Variants in RC3H2 observed in about 807,000 individuals in gnomAD.
The protein encoded by RC3H2 is roquin-2.
RC3H2 carries 31 observed loss-of-function variants against 133.3 expected under a neutral mutation model. That is an observed-to-expected ratio of 0.23 (90% CI 0.17 to 0.31). The LOEUF (loss-of-function observed/expected upper bound fraction) is 0.31. Ranked by LOEUF, RC3H2 falls within the 10% of genes least tolerant of loss-of-function variation. The pLI, the probability that RC3H2 is intolerant of heterozygous loss-of-function variation, is 1.00. For synonymous variants in RC3H2, 517 were observed against 502.2 expected (o/e 1.03, Z -0.40); for missense variants, 1,175 against 1,437.2 (o/e 0.82, Z 2.95).
Position 122,848,567 on chromosome 9 carries a change from A to C in RC3H2, c.*1060T>G, listed in dbSNP as rs1829915496. The C allele has an allele frequency of 6.6e-6, 1 of 152,192 alleles. No individual in the cohort carries two copies. Among genetic ancestry groups the C allele is most frequent in the African/African-American group, 2.4e-5 (1 of 41,448 alleles). 9.4% of individuals were successfully genotyped at this position (152,192 alleles called of 1,614,324 possible). ...AGTCTTATCAACCTAACAGTCAAAAAACAAGAAAAACTAAACCCCAACATG... is the reference window on the plus strand; with the variant it reads ...AGTCTTATCAACCTAACAGTCAAAACACAAGAAAAACTAAACCCCAACATG... On this transcript the variant is annotated 3_prime_UTR_variant, in exon 21 of 21. Coordinates refer to ENST00000357244, the MANE Select transcript of RC3H2 (RefSeq NM_001100588.3).
intron 1 of RC3H2, chr9:122,898,104 C>A (rs41304848): frequency 3.3e-5 from 5 of 152,192 alleles, no homozygotes; most frequent in African/African-American, 1.2e-4. Flanking sequence ...TCTGACAAGA[C>A]TTGGCTAGGA....
Position 122,865,643 on chromosome 9 carries a change from T to C in RC3H2, c.1340A>G (p.Asn447Ser). ...QEELEKYRLR[N>S]KKINATVRTF... is the part of the protein sequence containing the mutation. ...TCTTACAGTGGCATTGATCTTTTTG[T>C]TCCTTAATCGATACCTGTTTCAAAA... Residue 447 changes from asparagine to serine, a missense_variant, in exon 10 of 21, where the codon AAC becomes AGC. By Grantham distance (46) the Asn-to-Ser change is conservative. Around this residue, in one of 8 missense-constraint regions of RC3H2, gnomAD observed 490 missense variants for 492.8 expected, o/e 0.99. Transcript: ENST00000357244. The C allele has an allele frequency of 6.2e-7, 1 of 1,611,158 alleles. No individual in the cohort carries two copies. The highest frequency in any genetic ancestry group is 2.2e-5 in the East Asian group (1 of 44,880).
chr9:122,894,571 T>C (rs1321774210), intron 2 of RC3H2, among the ~76,000 whole-genome samples: 1 of 151,986 alleles, frequency 6.6e-6, no homozygotes, highest in Non-Finnish European at 1.5e-5. Context: ...CTGTGAGATA[T>C]GAATGAATAA....
chr9:122,849,593 G>C lies in RC3H2; in HGVS notation c.*34C>G. On this transcript the variant is annotated 3_prime_UTR_variant, in exon 21 of 21. Transcript: ENST00000357244. ...AAAAAGCTAGTGTAAATGCTTCCATGGTGTGGTCACAAATTTGAAAGATGA... is the reference window on the plus strand; with the variant it reads ...AAAAAGCTAGTGTAAATGCTTCCATCGTGTGGTCACAAATTTGAAAGATGA... The C allele has an allele frequency of 7.2e-7, 1 of 1,384,260 alleles. No homozygotes were observed. 85.7% of individuals were successfully genotyped at this position (1,384,260 alleles called of 1,614,324 possible). A position where few individuals can be genotyped will look rare whatever the true frequency, so the allele number is the denominator to read the frequency against.
rs907859421 is a variant in RC3H2 at position 122,865,778 on chromosome 9, C to T, written c.1326-121G>A. 3.4e-5 allele frequency: 26 copies of T among 769,404 alleles called. 1 individual carries two copies. The highest frequency in any genetic ancestry group is 3.5e-5 in the Non-Finnish European group (17 of 483,368). The allele number at this position is 769,404 out of a possible 1,614,324, so 47.7% of individuals were successfully genotyped here. A position where few individuals can be genotyped will look rare whatever the true frequency, so the allele number is the denominator to read the frequency against. ...AGGAAACAGTTTTGACAAAAAGTTT[C>T]TTCAGCTAAATAATCAAATACAGTC... On this transcript the variant is annotated intron_variant, in intron 9 of 20. Transcript: ENST00000357244.
Position 122,854,028 on chromosome 9 carries a change from T to C in RC3H2, c.3041A>G (p.Lys1014Arg). Residue 1014 changes from lysine to arginine, a missense_variant, in exon 18 of 21, where the codon AAG becomes AGG. Lys to Arg is a conservative substitution (Grantham distance 26). Around this residue, in one of 8 missense-constraint regions of RC3H2, gnomAD observed 138 missense variants for 215.0 expected, o/e 0.64. Transcript: ENST00000357244. Reference protein sequence around the residue: ...REANALAMQQKWNSLDEGRHL... With the variant: ...REANALAMQQRWNSLDEGRHL... The stretch of plus-strand genomic sequence containing the variant: ...ACGGCCTTCATCCAGGGAATTCCAC[T>C]TCTGTTGCATGGCCAAAGCATTGGC... The C allele has an allele frequency of 6.2e-7, 1 of 1,614,190 alleles. No homozygotes were observed. The highest frequency in any genetic ancestry group is 8.5e-7 in the Non-Finnish European group (1 of 1,180,034).
At chr9:122,852,106 G>C (rs997369845) in intron 18 of RC3H2, among the ~76,000 whole-genome samples, 1 of 149,756 alleles carries the variant, frequency 6.7e-6, no homozygotes, top group African/African-American at 2.5e-5. Flanking sequence ...GTCTCTGCCC[G>C]GCCGCCCGTC....
At position 122,853,941 on chromosome 9, in the gene RC3H2, A is replaced by C. The variant is rs776944597; in HGVS notation, c.3117+11T>G. ...CATTAAGCATGAAGCCGAAAGGTTC[A>C]GTTTCTTTACCTCTCCATTTCTTAG... On this transcript the variant is annotated intron_variant, in intron 18 of 20. Transcript: ENST00000357244. 3.1e-6 allele frequency: 5 copies of C among 1,614,134 alleles called. No individual in the cohort carries two copies. The East Asian group carries it at 6.7e-5, about 22-fold the overall frequency.
rs1179349950 is a variant in RC3H2 at position 122,848,619 on chromosome 9, A to C, written c.*1008T>G. On this transcript the variant is annotated 3_prime_UTR_variant, in exon 21 of 21. Coordinates refer to ENST00000357244, the MANE Select transcript of RC3H2 (RefSeq NM_001100588.3). ...AGTAACAATAAACAATATTTAACCA[A>C]GATAATGCAATGAACAACCAAATTA... is the stretch of plus-strand genomic sequence containing the variant. 2.0e-5 allele frequency: 3 copies of C among 152,212 alleles called. No homozygotes were observed. Among genetic ancestry groups the C allele is most frequent in the Non-Finnish European group, 4.4e-5 (3 of 68,028 alleles). The allele number at this position is 152,212 out of a possible 1,614,324, so 9.4% of individuals were successfully genotyped here.
intron 18 of RC3H2, 144 bp from the exon 19 acceptor site, chr9:122,851,580 T>C (rs534923476): frequency 1.0e-5 from 11 of 1,081,414 alleles, no homozygotes; most frequent in Middle Eastern, 3.2e-4. Flanking sequence ...CCATCTCGGC[T>C]CACTGCAACC....
chr9:122,901,575 T>G (rs1194777247), intron 1 of RC3H2, among the ~76,000 whole-genome samples: 1 of 151,182 alleles, frequency 6.6e-6, no homozygotes. Flanking sequence ...AGATATAACT[T>G]CCAATGCATT....
chr9:122,851,653 C>T (rs559295595), intron 18 of RC3H2: 30 of 542,218 alleles, frequency 5.5e-5, no homozygotes, highest in African/African-American at 3.2e-4. Context: ...CGCGCCGCCA[C>T]GCCTGACTGG....
intron 9 of RC3H2, among the ~76,000 whole-genome samples, chr9:122,867,474 G>A (rs1393464558): frequency 3.4e-5 from 5 of 147,702 alleles, no homozygotes; most frequent in Admixed American, 6.7e-5. Context: ...TCAGCCCCCC[G>A]CCCGGCCAGC....
intron 9 of RC3H2, among the ~76,000 whole-genome samples, chr9:122,867,572 G>T (rs1046247457): frequency 8.4e-6 from 1 of 119,142 alleles, no homozygotes; most frequent in Non-Finnish European, 1.9e-5. Context: ...GCCCAGTCTG[G>T]AAAGTGAGAA....
At chr9:122,859,510 A>T (rs974408797) in intron 11 of RC3H2, among the ~76,000 whole-genome samples, 4 of 152,200 alleles carry the variant, frequency 2.6e-5, no homozygotes, top group African/African-American at 9.7e-5. Flanking sequence ...ATATCCTTCT[A>T]GGGCATCTAT....
At chr9:122,882,051 T>C (rs561961838) in intron 5 of RC3H2, among the ~76,000 whole-genome samples, 1 of 151,880 alleles carries the variant, frequency 6.6e-6, no homozygotes, top group Admixed American at 6.6e-5. Flanking sequence ...ATGGCACCAC[T>C]GCACTCCAGC....
intron 2 of RC3H2, among the ~76,000 whole-genome samples, chr9:122,894,817 T>C (rs1588112336): frequency 6.6e-6 from 1 of 151,596 alleles, no homozygotes; most frequent in East Asian, 2.0e-4. Flanking sequence ...GAGGTGGAGG[T>C]TGCAGTGAGC....
At chr9:122,852,791 C>T (rs1335030118) in intron 18 of RC3H2, among the ~76,000 whole-genome samples, 2 of 150,096 alleles carry the variant, frequency 1.3e-5, no homozygotes, top group Non-Finnish European at 1.5e-5. Flanking sequence ...CCAGCCGCCC[C>T]ATCCGGGAGG....
intron 9 of RC3H2, among the ~76,000 whole-genome samples, chr9:122,876,874 A>G (rs1264874268): frequency 6.6e-6 from 1 of 152,214 alleles, no homozygotes; most frequent in African/African-American, 2.4e-5. Flanking sequence ...CAAAAGCCGT[A>G]AAAAGGATAT....
Sources: gnomAD v4.1 joint callset for allele counts (sites outside exome capture counted in the v4.1 genomes callset) on GRCh38, gnomAD v4.1.1 for gene constraint, gnomAD v4.1.1 regional missense constraint, MANE v1.5 for transcripts, NCBI Gene and HGNC (gene_info 2026-07-23, HGNC 2026-07-21) for gene names.